Variants in TAF4 observed in about 807,000 individuals in gnomAD.
TAF4 encodes TATA-box binding protein associated factor 4.
A neutral mutation model predicts 90.3 loss-of-function variants in TAF4; 9 were observed. The observed-to-expected ratio is 0.10, with a 90% CI of 0.06 to 0.17. The LOEUF is 0.17. Among genes scored for constraint, TAF4 ranks in the 10% least tolerant of loss-of-function variants. The pLI is 1.00. For synonymous variants in TAF4, 818 were observed against 638.9 expected, an observed-to-expected ratio of 1.28 and a Z score of -4.23; for missense variants, 1,351 against 1,370.7, an observed-to-expected ratio of 0.99 and a Z score of 0.23.
intron 14 of TAF4, among the ~76,000 whole-genome samples, chr20:61,984,316 C>T (rs1368650649): frequency 2.6e-5 from 4 of 152,152 alleles, no homozygotes; most frequent in Non-Finnish European, 5.9e-5. Context: ...CTCTCTCACA[C>T]GCAACAGGGG....
chr20:61,979,749 C>T (rs980902095), intron 14 of TAF4, among the ~76,000 whole-genome samples: 2 of 148,208 alleles, frequency 1.3e-5, no homozygotes, highest in African/African-American at 5.0e-5. Context: ...TCCAGAGGTA[C>T]TGCGGCATGT....
In TAF4 at chr20:62,064,707, G is replaced by C. The variant is rs1231698546; in HGVS notation, c.1104C>G (p.Ser368Arg). 1.8e-5 allele frequency: 22 copies of C among 1,241,198 alleles called. No homozygotes were observed. The highest frequency in any genetic ancestry group is 2.1e-5 in the Non-Finnish European group (21 of 995,786). 76.9% of individuals were successfully genotyped at this position (1,241,198 alleles called of 1,614,324 possible). A position where few individuals can be genotyped will look rare whatever the true frequency, so the allele number is the denominator to read the frequency against. The change falls in exon 1 of 15, where the codon AGC (serine) becomes AGG (arginine). Residue 368 changes from serine to arginine, a missense_variant. This residue lies in a region of TAF4 where 782 missense variants were observed against 536.6 expected (regional missense o/e 1.46). Transcript: ENST00000252996. ...GCCCGATGACCATGCTGGCCGCCGT[G>C]CTGGCCGGGCCGCTGGCCGCCAGGG... ...AQTLAASGPA[S>R]TAASMVIGPT...
chr20:62,022,784 A>C (rs2055850792), intron 1 of TAF4, among the ~76,000 whole-genome samples: 1 of 152,224 alleles, frequency 6.6e-6, no homozygotes, highest in African/African-American at 2.4e-5. Context: ...TGCCCGGCGC[A>C]GGCGCTACCA....
At chr20:61,981,984 C>T (rs1204664573) in intron 14 of TAF4, among the ~76,000 whole-genome samples, 4 of 148,742 alleles carry the variant, frequency 2.7e-5, no homozygotes, top group Admixed American at 2.7e-4. Context: ...CCACACCCAC[C>T]CGAGAGGAGA....
In TAF4 at chr20:61,978,536, C is replaced by T. The variant is rs564184851; in HGVS notation, c.3091-2201G>A. Among the ~76,000 whole-genome samples the T allele has an allele frequency of 1.9e-3, 237 of 125,966 alleles. 10 individuals are homozygous for T. Among genetic ancestry groups the T allele is most frequent in the African/African-American group, 6.2e-3 (205 of 32,940 alleles). 82.6% of individuals were successfully genotyped at this position (125,966 alleles called of 152,430 possible). ...GGGAGGGCGCGAGACCAACCAAGGC[C>T]GGGGGCGAGACCAACCAAAGGAGGG... On this transcript the variant is annotated intron_variant, in intron 14 of 14. Coordinates refer to ENST00000252996, the MANE Select transcript of TAF4 (RefSeq NM_003185.4).
intron 1 of TAF4, among the ~76,000 whole-genome samples, chr20:62,017,795 C>T (rs2055820671): frequency 6.6e-6 from 1 of 151,306 alleles, no homozygotes; most frequent in South Asian, 2.1e-4. Flanking sequence ...GATTGCACCA[C>T]TGCACTCCAG....
chr20:61,987,364 C>G (rs954627058), intron 14 of TAF4, among the ~76,000 whole-genome samples: 4 of 152,080 alleles, frequency 2.6e-5, no homozygotes, highest in African/African-American at 9.7e-5. Flanking sequence ...GAAAGGACGT[C>G]GAGGACACTG....
chr20:62,007,499 C>A (rs1393387609), intron 6 of TAF4, 48 bp downstream of exon 6: 1 of 1,573,832 alleles, frequency 6.4e-7, no homozygotes, highest in Middle Eastern at 1.7e-4. Flanking sequence ...CTGCGCCCCA[C>A]CCCTCCCTGG....
chr20:62,027,012 C>T (rs2145489727), intron 1 of TAF4, among the ~76,000 whole-genome samples: 1 of 152,342 alleles, frequency 6.6e-6, no homozygotes, highest in East Asian at 1.9e-4. Flanking sequence ...GGAATGCTTA[C>T]CCTCGTGCCT....
At chr20:62,035,630 C>T (rs2055928050) in intron 1 of TAF4, among the ~76,000 whole-genome samples, 1 of 152,190 alleles carries the variant, frequency 6.6e-6, no homozygotes, top group Non-Finnish European at 1.5e-5. Flanking sequence ...AAGACTATTC[C>T]TATTACCTTC....
rs757425827 is a variant in TAF4, at chr20:62,064,684, C to A, written c.1127G>T (p.Gly376Val). The change falls in exon 1 of 15, where the codon GGG (glycine) becomes GTG (valine). Residue 376 changes from glycine (G) to valine (V), a missense_variant. By Grantham distance (109) the Gly-to-Val change is moderately radical. This residue lies in a region of TAF4 where 782 missense variants were observed against 536.6 expected (regional missense o/e 1.46). Coordinates refer to ENST00000252996, the MANE Select transcript of TAF4 (RefSeq NM_003185.4). ...GGGCAGCGCCCCTTGCATAGTTGGC[C>A]CGATGACCATGCTGGCCGCCGTGCT... is the stretch of plus-strand genomic sequence containing the variant. Reference protein sequence around the residue: ...PASTAASMVIGPTMQGALPSP... With the variant: ...PASTAASMVIVPTMQGALPSP... 1 of 1,265,328 alleles carries A rather than the reference C, an allele frequency of 7.9e-7. No homozygotes were observed. Among genetic ancestry groups the A allele is most frequent in the Non-Finnish European group, 9.9e-7 (1 of 1,010,536 alleles). The allele number at this position is 1,265,328 out of a possible 1,614,324, so 78.4% of individuals were successfully genotyped here.
chr20:61,988,061 G>A (rs765631700), intron 14 of TAF4, among the ~76,000 whole-genome samples: 4 of 152,216 alleles, frequency 2.6e-5, no homozygotes, highest in Non-Finnish European at 5.9e-5. Context: ...TGACAGGAGG[G>A]GAGGGATGAA....
chr20:61,990,598 G>C (rs1250932745), intron 14 of TAF4, among the ~76,000 whole-genome samples: 2 of 152,206 alleles, frequency 1.3e-5, no homozygotes, highest in African/African-American at 4.8e-5. Context: ...GTCCCTCCAA[G>C]AGCCGCAGTC....
intron 1 of TAF4, among the ~76,000 whole-genome samples, chr20:62,048,895 C>T (rs1380294322): frequency 1.4e-5 from 2 of 148,026 alleles, no homozygotes; most frequent in Non-Finnish European, 3.0e-5. Context: ...CCCCCCAGCC[C>T]TCTCCCTGCA....
chr20:62,029,312 T>C (rs2055891024), intron 1 of TAF4, among the ~76,000 whole-genome samples: 1 of 152,180 alleles, frequency 6.6e-6, no homozygotes, highest in Non-Finnish European at 1.5e-5. Flanking sequence ...AGGCAAGGAC[T>C]GTTTTGCTAT....
intron 13 of TAF4, 59 bp downstream of exon 13, chr20:61,998,077 G>A (rs917888558): frequency 9.8e-6 from 15 of 1,534,452 alleles, no homozygotes; most frequent in South Asian, 6.0e-5. Flanking sequence ...CCCCCCTCCC[G>A]TGGGGCGCTA....
At chr20:62,027,134 C>A (rs1193946184) in intron 1 of TAF4, among the ~76,000 whole-genome samples, 1 of 152,192 alleles carries the variant, frequency 6.6e-6, no homozygotes, top group African/African-American at 2.4e-5. Context: ...CCTCAAAATG[C>A]AGAGGCACTG....
At position 61,998,167 on chromosome 20, in the gene TAF4, T is replaced by C; in HGVS notation, c.2939A>G (p.Glu980Gly). Reference sequence around the variant, plus strand: ...TGCCTTCTGTTTCAGCCTTAACTGTTCTGGATCTTCTTGTCTTGACCGAGA... The same window carrying C: ...TGCCTTCTGTTTCAGCCTTAACTGTCCTGGATCTTCTTGTCTTGACCGAGA... The part of the protein sequence containing the change: ...AKSRSRQEDP[E>G]QLRLKQKAKE... The change falls in exon 13 of 15, where the codon GAA becomes GGA. Residue 980 changes from glutamate (E) to glycine (G), a missense_variant. Coordinates refer to ENST00000252996, the MANE Select transcript of TAF4 (RefSeq NM_003185.4). 1 of 1,614,086 alleles carries C rather than the reference T, an allele frequency of 6.2e-7. No individual in the cohort carries two copies. Among genetic ancestry groups the C allele is most frequent in the Non-Finnish European group, 8.5e-7 (1 of 1,180,014 alleles).
intron 1 of TAF4, among the ~76,000 whole-genome samples, chr20:62,057,133 G>A (rs935563574): frequency 6.6e-6 from 1 of 152,192 alleles, no homozygotes; most frequent in African/African-American, 2.4e-5. Context: ...ATGAAAGGCT[G>A]TGTCCCCCGA....
Sources: gnomAD v4.1 joint callset for allele counts (sites outside exome capture counted in the v4.1 genomes callset) on GRCh38, gnomAD v4.1.1 for gene constraint, gnomAD v4.1.1 regional missense constraint, MANE v1.5 for transcripts, NCBI Gene and HGNC (gene_info 2026-07-23, HGNC 2026-07-21) for gene names.